SETBP1: variants seen among roughly 807,000 people sequenced by gnomAD.
SETBP1 encodes SET binding protein 1.
SETBP1 carries 9 observed loss-of-function variants against 101.0 expected under a neutral mutation model. The ratio of observed to expected loss-of-function variants is 0.09; its 90% CI spans 0.05 to 0.16. The LOEUF is 0.16. SETBP1 is among the 10% of genes least tolerant of loss of function. The probability of loss-of-function intolerance (pLI) is 1.00; values close to 1 mark genes in which losing one functional copy is unlikely to be tolerated. For missense variants in SETBP1, 1,858 were observed against 2,033.8 expected (o/e 0.91, Z 1.66); for synonymous variants, 818 against 788.5 (o/e 1.04, Z -0.63).
intron 2 of SETBP1, among the ~76,000 whole-genome samples, chr18:44,815,514 G>A (rs1467115989): frequency 1.3e-5 from 2 of 152,188 alleles, no homozygotes; most frequent in Admixed American, 6.5e-5. Flanking sequence ...TCATTTTCTT[G>A]GGGCTGGAGA....
chr18:44,890,449 ACT>A (rs2069741910), intron 3 of SETBP1, among the ~76,000 whole-genome samples: 1 of 152,008 alleles, frequency 6.6e-6, no homozygotes, highest in East Asian at 1.9e-4. Flanking sequence ...TGATTAGGAA[ACT>A]CTAGCAGATG....
intron 2 of SETBP1, among the ~76,000 whole-genome samples, chr18:44,861,390 C>T (rs1053278274): frequency 7.3e-5 from 11 of 151,706 alleles, no homozygotes; most frequent in African/African-American, 1.9e-4. Context: ...AGGCACCTGC[C>T]ACTATGCCCA....
intron 2 of SETBP1, among the ~76,000 whole-genome samples, chr18:44,741,730 A>C (rs2070102134): frequency 6.6e-6 from 1 of 152,088 alleles, no homozygotes; most frequent in Non-Finnish European, 1.5e-5. Context: ...GCCATGTTCA[A>C]ATTATCTCTG....
chr18:44,798,184 ACT>A (rs1301181794), intron 2 of SETBP1, among the ~76,000 whole-genome samples: 1 of 152,218 alleles, frequency 6.6e-6, no homozygotes, highest in African/African-American at 2.4e-5. Flanking sequence ...GCAGGGATGG[ACT>A]GTTCCCTCCC....
intron 3 of SETBP1, among the ~76,000 whole-genome samples, chr18:44,887,493 T>C (rs759578045): frequency 2.0e-5 from 3 of 152,136 alleles, no homozygotes; most frequent in Non-Finnish European, 4.4e-5. Context: ...TACCTGGGAA[T>C]TTCCCTCTTG....
At chr18:45,041,359 A>G (rs950207203) in intron 5 of SETBP1, among the ~76,000 whole-genome samples, 1 of 152,214 alleles carries the variant, frequency 6.6e-6, no homozygotes, top group African/African-American at 2.4e-5. Context: ...GAAATATAGT[A>G]ACATATATAG....
At position 45,058,724 on chromosome 18, in the gene SETBP1, A is replaced by G. The variant is rs546227947; in HGVS notation, c.4172-4355A>G. On this transcript the variant is annotated intron_variant, in intron 5 of 5. Coordinates refer to ENST00000649279, the MANE Select transcript of SETBP1 (RefSeq NM_015559.3). ...AATAAATGAAATTCAGATGTTTGGT[A>G]GATGTGAAAAACCCTAAAGATTATA... 2.6e-5 allele frequency among the ~76,000 whole-genome samples: 4 copies of G among 152,382 alleles called. No individual in the cohort carries two copies. In the South Asian group the frequency reaches 8.3e-4, roughly 32 times the overall value.
At chr18:45,047,718 T>C (rs2049703495) in intron 5 of SETBP1, among the ~76,000 whole-genome samples, 1 of 152,112 alleles carries the variant, frequency 6.6e-6, no homozygotes, top group Non-Finnish European at 1.5e-5. Flanking sequence ...ATGACTGTCA[T>C]TAAGAATGAT....
At chr18:44,854,044 G>A (rs1265595132) in intron 2 of SETBP1, among the ~76,000 whole-genome samples, 3 of 151,974 alleles carry the variant, frequency 2.0e-5, no homozygotes, top group Non-Finnish European at 4.4e-5. Context: ...ACTTATCACA[G>A]CTCTAAATTA....
At chr18:44,848,907 A>G (rs938643850) in intron 2 of SETBP1, among the ~76,000 whole-genome samples, 1 of 152,218 alleles carries the variant, frequency 6.6e-6, no homozygotes, top group Non-Finnish European at 1.5e-5. Flanking sequence ...CTCAAGTATT[A>G]CTAACAGAAT....
At chr18:45,050,241 G>A (rs531260193) in intron 5 of SETBP1, among the ~76,000 whole-genome samples, 1 of 152,318 alleles carries the variant, frequency 6.6e-6, no homozygotes, top group Non-Finnish European at 1.5e-5. Flanking sequence ...GCCTTGTACG[G>A]TGTAAGGTAT....
Position 44,954,162 on chromosome 18 carries a change from C to T in SETBP1, c.4000+822C>T, listed in dbSNP as rs1307441108. Among the ~76,000 whole-genome samples the T allele has an allele frequency of 2.6e-5, 4 of 152,108 alleles. No homozygotes were observed. In the South Asian group the frequency reaches 8.3e-4, roughly 31 times the overall value. ...GTTGCTGGCAGAATTCCCTTGCCAA[C>T]CTCCCCAACCACACAAAATCCTTCC... is the stretch of plus-strand genomic sequence containing the variant. On this transcript the variant is annotated intron_variant, in intron 4 of 5. Transcript: ENST00000649279.
intron 4 of SETBP1, among the ~76,000 whole-genome samples, chr18:45,028,810 T>G (rs577469333): frequency 0.014 from 2,125 of 152,346 alleles, 51 homozygotes; most frequent in African/African-American, 0.048. Context: ...AAATGTCTTC[T>G]TTTGAGAAGT....
chr18:44,941,832 G>A (rs752769765), intron 3 of SETBP1, among the ~76,000 whole-genome samples: 19 of 151,434 alleles, frequency 1.3e-4, no homozygotes, highest in Non-Finnish European at 2.1e-4. Flanking sequence ...TAGTGTAGTC[G>A]TTGCGATCCT....
At chr18:44,904,196 C>T (rs978776423) in intron 3 of SETBP1, among the ~76,000 whole-genome samples, 2 of 151,980 alleles carry the variant, frequency 1.3e-5, no homozygotes, top group Non-Finnish European at 2.9e-5. Context: ...ATGACACTAT[C>T]GCTTTTTCAA....
rs2073922219 is a variant in SETBP1 at position 45,063,487 on chromosome 18, C to T, written c.4580C>T (p.Pro1527Leu). 4.2e-6 allele frequency: 6 copies of T among 1,440,288 alleles called. No individual in the cohort carries two copies. The African/African-American group carries it at 7.4e-5, about 18-fold the overall frequency. The allele number at this position is 1,440,288 out of a possible 1,614,324, so 89.2% of individuals were successfully genotyped here. A position where few individuals can be genotyped will look rare whatever the true frequency, so the allele number is the denominator to read the frequency against. Residue 1527 changes from proline (P) to leucine (L), a missense_variant, in exon 6 of 6, where the codon CCG becomes CTG. Pro to Leu is a moderately conservative substitution (Grantham distance 98). This residue lies in a region of SETBP1 where 178 missense variants were observed against 189.1 expected (regional missense o/e 0.94). Coordinates refer to ENST00000649279, the MANE Select transcript of SETBP1 (RefSeq NM_015559.3). Reference sequence around the variant, plus strand: ...GCGCCGCCCCTGCCCCCGCCACCGCCGCCGCCCCTGCCGCCACCGCCGCCA... The same window carrying T: ...GCGCCGCCCCTGCCCCCGCCACCGCTGCCGCCCCTGCCGCCACCGCCGCCA... ...REAPPLPPPP[P>L]PPLPPPPPPP...
chr18:44,949,947 G>A lies in SETBP1; in HGVS notation c.607G>A (p.Gly203Ser), dbSNP rs771044406. The stretch of plus-strand genomic sequence containing the variant: ...CACGGGCCTCCCACAGGACTTCACC[G>A]GTGACACCTTAAAACCAAAGCACCA... ...YDTGLPQDFT[G>S]DTLKPKHQQK... The change falls in exon 4 of 6, where the codon GGT becomes AGT. Residue 203 changes from glycine (G) to serine (S), a missense_variant. Physicochemically the swap from Gly to Ser is moderately conservative, Grantham distance 56 (BLOSUM62 0). This residue lies in a region of SETBP1 where 581 missense variants were observed against 535.1 expected (regional missense o/e 1.09). Transcript: ENST00000649279. The A allele has an allele frequency of 7.8e-5, 126 of 1,613,826 alleles. No individual in the cohort carries two copies. The highest frequency in any genetic ancestry group is 1.6e-4 in the Middle Eastern group (1 of 6,084).
chr18:44,796,862 A>G (rs1172944997), intron 2 of SETBP1, among the ~76,000 whole-genome samples: 2 of 152,056 alleles, frequency 1.3e-5, no homozygotes, highest in African/African-American at 4.8e-5. Flanking sequence ...CACCACTTTT[A>G]TCAACTGTGG....
chr18:44,763,430 C>G (rs1012465401), intron 2 of SETBP1, among the ~76,000 whole-genome samples: 1 of 152,160 alleles, frequency 6.6e-6, no homozygotes, highest in Admixed American at 6.5e-5. Context: ...GGCTTCCTGG[C>G]ATGTGGTGAG....
Sources: allele counts gnomAD v4.1 joint callset (sites outside exome capture counted in the v4.1 genomes callset), GRCh38; gene constraint gnomAD v4.1.1; regional missense constraint gnomAD v4.1.1; transcripts MANE v1.5; gene names NCBI Gene and HGNC (gene_info 2026-07-23, HGNC 2026-07-21).